ULK4: variants seen among roughly 807,000 people sequenced by gnomAD.
The protein encoded by ULK4 is unc-51 like kinase 4.
ULK4 carries 133 observed loss-of-function variants against 160.6 expected under a neutral mutation model. The observed-to-expected ratio is 0.83, with a 90% CI of 0.72 to 0.96. The LOEUF (loss-of-function observed/expected upper bound fraction) is 0.96. Ranked by LOEUF, ULK4 falls within the 40% of genes least tolerant of loss-of-function variation. The probability of loss-of-function intolerance (pLI) is 0.00; values close to 1 mark genes in which losing one functional copy is unlikely to be tolerated. For synonymous variants in ULK4, 534 were observed against 539.8 expected, an observed-to-expected ratio of 0.99 and a Z score of 0.15; for missense variants, 1,580 against 1,499.5, an observed-to-expected ratio of 1.05 and a Z score of -0.89.
At chr3:41,842,177 GT>G (rs2041946234) in intron 17 of ULK4, among the ~76,000 whole-genome samples, 2 of 128,710 alleles carry the variant, frequency 1.6e-5, no homozygotes, top group Admixed American at 7.5e-5. Flanking sequence ...CAATGAACAT[GT>G]AAAAAAAAAA....
chr3:41,257,192 C>T (rs1453986794), intron 35 of ULK4, among the ~76,000 whole-genome samples: 5 of 152,120 alleles, frequency 3.3e-5, no homozygotes, highest in African/African-American at 7.2e-5. Flanking sequence ...AACTGCAGTG[C>T]AATACCTATT....
chr3:41,430,260 T>C (rs2082873860), intron 34 of ULK4, among the ~76,000 whole-genome samples: 1 of 152,178 alleles, frequency 6.6e-6, no homozygotes, highest in South Asian at 2.1e-4. Context: ...CTACATAAAA[T>C]AGCTTAGACA....
intron 35 of ULK4, among the ~76,000 whole-genome samples, chr3:41,355,453 T>G (rs1374676197): frequency 6.6e-6 from 1 of 152,226 alleles, no homozygotes; most frequent in Non-Finnish European, 1.5e-5. Flanking sequence ...AGTAATTCCC[T>G]GTATGGATAT....
intron 32 of ULK4, among the ~76,000 whole-genome samples, chr3:41,485,643 C>T (rs72871150): frequency 0.015 from 2,282 of 152,290 alleles, 72 homozygotes; most frequent in African/African-American, 0.051. Context: ...TCCATTCTAG[C>T]TGATGTTGCG....
chr3:41,787,800 T>C (rs1432604511), intron 21 of ULK4, among the ~76,000 whole-genome samples: 1 of 152,208 alleles, frequency 6.6e-6, no homozygotes, highest in African/African-American at 2.4e-5. Flanking sequence ...TATCACGCCA[T>C]ACAATTGCTC....
chr3:41,513,537 G>T (rs1428449111), intron 32 of ULK4, among the ~76,000 whole-genome samples: 1 of 152,214 alleles, frequency 6.6e-6, no homozygotes, highest in Non-Finnish European at 1.5e-5. Context: ...GGAGGCTGAG[G>T]CAGGAGAATC....
At chr3:41,876,029 T>C (rs997101108) in intron 17 of ULK4, among the ~76,000 whole-genome samples, 21 of 148,786 alleles carry the variant, frequency 1.4e-4, no homozygotes, top group Admixed American at 4.7e-4. Flanking sequence ...CTACAGTTTA[T>C]AGGAAATGTG....
intron 21 of ULK4, among the ~76,000 whole-genome samples, chr3:41,760,235 C>T (rs1405643969): frequency 6.6e-6 from 1 of 152,022 alleles, no homozygotes; most frequent in Non-Finnish European, 1.5e-5. Context: ...TGAGATATAA[C>T]TATGAGCTTA....
intron 35 of ULK4, among the ~76,000 whole-genome samples, chr3:41,275,024 A>G (rs933867653): frequency 6.6e-6 from 1 of 152,242 alleles, no homozygotes; most frequent in African/African-American, 2.4e-5. Context: ...CTCAGAGGCT[A>G]ACATTCCAAT....
chr3:41,317,307 C>T (rs1245950834), intron 35 of ULK4, among the ~76,000 whole-genome samples: 2 of 152,002 alleles, frequency 1.3e-5, no homozygotes, highest in African/African-American at 2.4e-5. Context: ...GATCTCCTGA[C>T]CTCATGATCC....
chr3:41,674,415 T>C (rs962197885), intron 29 of ULK4, among the ~76,000 whole-genome samples: 41 of 152,212 alleles, frequency 2.7e-4, no homozygotes, highest in Non-Finnish European at 1.0e-4. Context: ...GCATAAACCT[T>C]TAAAATTAAA....
At chr3:41,258,102 T>C (rs912411337) in intron 35 of ULK4, among the ~76,000 whole-genome samples, 3 of 152,100 alleles carry the variant, frequency 2.0e-5, no homozygotes, top group African/African-American at 7.2e-5. Flanking sequence ...CCGCTGAAGG[T>C]TGTAAATTAA....
At chr3:41,615,581 G>T in intron 31 of ULK4, 88 bp downstream of exon 31, 1 of 1,303,348 alleles carries the variant, frequency 7.7e-7, no homozygotes, top group South Asian at 1.3e-5. Flanking sequence ...GGCAGAGGCA[G>T]GGTTAGCAAC....
intron 32 of ULK4, among the ~76,000 whole-genome samples, chr3:41,492,047 C>A (rs1231958415): frequency 6.6e-6 from 1 of 152,040 alleles, no homozygotes; most frequent in African/African-American, 2.4e-5. Context: ...CATGTCCCTA[C>A]AAAGGACATG....
At chr3:41,687,769 T>C (rs1284941456) in intron 27 of ULK4, 1 of 152,224 alleles carries the variant, frequency 6.6e-6, no homozygotes, top group Non-Finnish European at 1.5e-5. Flanking sequence ...TAAGAACTCC[T>C]GATCAGGGTG....
chr3:41,785,172 CA>C (rs1253623533), intron 21 of ULK4, among the ~76,000 whole-genome samples: 3 of 151,836 alleles, frequency 2.0e-5, no homozygotes, highest in African/African-American at 7.3e-5. Context: ...GAGTAGCAAC[CA>C]AAAAACAGGA....
intron 21 of ULK4, 49 bp from the exon 22 acceptor site, chr3:41,754,537 G>A (rs1258296682): frequency 1.3e-6 from 2 of 1,583,332 alleles, no homozygotes; most frequent in African/African-American, 2.7e-5. Context: ...AAAAAATAGG[G>A]CAGTCTCAAT....
chr3:41,835,875 CA>C lies in ULK4; in HGVS notation c.1752del (p.Val585Ter). ...TCAGACAGTCTCACCTGGGTGGCTA[CA>C]AGATAGATCAGCTCCCCAAGGGTTG... ...LLPTLGELIYLVATQEEKKKN... is the reference protein window; with the variant it reads ...LLPTLGELIYXVATQEEKKKN... On this transcript the variant is annotated frameshift_variant, in exon 18 of 37. Transcript: ENST00000301831. LOFTEE classifies it high-confidence loss of function. 6.2e-7 allele frequency: 1 copy of C among 1,608,078 alleles called. No homozygotes were observed. The highest frequency in any genetic ancestry group is 1.1e-5 in the South Asian group (1 of 90,230).
intron 30 of ULK4, among the ~76,000 whole-genome samples, chr3:41,657,558 C>A (rs1414712518): frequency 1.3e-5 from 2 of 151,942 alleles, no homozygotes; most frequent in Admixed American, 1.3e-4. Flanking sequence ...ACCACTGATA[C>A]CCTGTAATCC....
Sources: gnomAD v4.1 joint callset for allele counts (sites outside exome capture counted in the v4.1 genomes callset) on GRCh38, gnomAD v4.1.1 for gene constraint, MANE v1.5 for transcripts, NCBI Gene and HGNC (gene_info 2026-07-23, HGNC 2026-07-21) for gene names.